Variants in ABCB1 observed in about 807,000 individuals in gnomAD.
ABCB1 encodes ATP binding cassette subfamily B member 1, also known as ATP-dependent translocase ABCB1.
ABCB1 carries 69 observed loss-of-function variants against 142.0 expected under a neutral mutation model. The ratio of observed to expected loss-of-function variants is 0.49; its 90% CI spans 0.40 to 0.59. The LOEUF (loss-of-function observed/expected upper bound fraction) is 0.59, where lower values mean the gene tolerates loss of function less well. ABCB1 is among the 20% of genes least tolerant of loss of function. ABCB1 has a pLI of 0.00. For synonymous variants in ABCB1, 532 were observed against 539.2 expected, an observed-to-expected ratio of 0.99 and a Z score of 0.18; for missense variants, 1,326 against 1,554.7, an observed-to-expected ratio of 0.85 and a Z score of 2.47.
At chr7:87,558,847 CTATTAATATGGTTAATTA>C (rs1817425895) in intron 8 of ABCB1, among the ~76,000 whole-genome samples, 1 of 151,850 alleles carries the variant, frequency 6.6e-6, no homozygotes, top group Non-Finnish European at 1.5e-5. Context: ...TTCTTTTAGT[CTATTAATATGGTTAATTA>C]TATTAATAGA....
At chr7:87,693,792 T>C in intron 1 of ABCB1, 1 of 897,260 alleles carries the variant, frequency 1.1e-6, no homozygotes, top group Non-Finnish European at 1.7e-6. Flanking sequence ...AAGTAGTGTT[T>C]ACTGCTTCAA....
At position 87,628,584 on chromosome 7, in the gene ABCB1, CGTGTGTGTGTGTGTGTGTGTGTGTGT is replaced by C. The variant is rs71117546; in HGVS notation, c.-330-27532_-330-27507del. The stretch of plus-strand genomic sequence containing the variant: ...CGAGGGCGGAGGTGGTGCGTGCGTG[CGTGTGTGTGTGTGTGTGTGTGTGTGT>C]GTGTGTGTGTGTGTGGAGCTCGGGT... On this transcript the variant is annotated intron_variant, in intron 1 of 28. Transcript: ENST00000265724. The C allele has an allele frequency of 7.2e-5, 21 of 290,760 alleles. No individual in the cohort carries two copies. In the South Asian group the frequency reaches 2.1e-3, roughly 29 times the overall value. The allele number at this position is 290,760 out of a possible 1,614,324, so 18.0% of individuals were successfully genotyped here. A position where few individuals can be genotyped will look rare whatever the true frequency, so the allele number is the denominator to read the frequency against.
intron 1 of ABCB1, among the ~76,000 whole-genome samples, chr7:87,701,561 C>G (rs768774607): frequency 5.3e-5 from 8 of 152,038 alleles, no homozygotes; most frequent in Non-Finnish European, 1.0e-4. Flanking sequence ...GTAAAAAGAT[C>G]AATTCAAAGT....
At chr7:87,584,118 T>A (rs1818631739) in intron 4 of ABCB1, among the ~76,000 whole-genome samples, 1 of 152,160 alleles carries the variant, frequency 6.6e-6, no homozygotes, top group South Asian at 2.1e-4. Context: ...TTTACATAGC[T>A]CAAACATACA....
rs200179722 is a variant in ABCB1 at position 87,539,280 on chromosome 7, G to A, written c.2385C>T (p.Ser795=). The change falls in exon 19 of 28, where the codon TCC becomes TCT. Residue 795 remains serine, a synonymous_variant. Transcript: ENST00000622132. ...TKRLRYMVFR[S]MLRQDVSWFD... ...TCGATAGACATACCTGTCTGAGCAT[G>A]GATCGGAAAACCATGTATCGGAGCC... 2 of 1,614,116 alleles carry A rather than the reference G, an allele frequency of 1.2e-6. No individual in the cohort carries two copies. Among genetic ancestry groups the A allele is most frequent in the South Asian group, 1.1e-5 (1 of 91,084 alleles).
intron 3 of ABCB1, among the ~76,000 whole-genome samples, chr7:87,585,944 G>T (rs1247705242): frequency 1.3e-5 from 2 of 152,184 alleles, no homozygotes; most frequent in South Asian, 4.1e-4. Context: ...GAGAAGGATG[G>T]GACATTCTGG....
chr7:87,661,118 A>T (rs1824664442), intron 1 of ABCB1, among the ~76,000 whole-genome samples: 1 of 151,962 alleles, frequency 6.6e-6, no homozygotes, highest in South Asian at 2.1e-4. Context: ...TTACATTTTT[A>T]AAATTTTTAA....
intron 20 of ABCB1, among the ~76,000 whole-genome samples, chr7:87,535,477 C>T (rs527350337): frequency 3.3e-5 from 5 of 151,952 alleles, no homozygotes; most frequent in Admixed American, 1.3e-4. Context: ...GGATTACAGG[C>T]GTGCACCTGT....
intron 1 of ABCB1, among the ~76,000 whole-genome samples, chr7:87,634,909 T>C (rs921445365): frequency 6.6e-6 from 1 of 152,282 alleles, no homozygotes; most frequent in Admixed American, 6.5e-5. Context: ...ACAATGGAGG[T>C]AGGATGATCC....
intron 1 of ABCB1, among the ~76,000 whole-genome samples, chr7:87,688,159 G>T (rs1369546683): frequency 6.6e-6 from 1 of 152,116 alleles, no homozygotes; most frequent in Non-Finnish European, 1.5e-5. Flanking sequence ...TTCAGGAAAG[G>T]TGAAGCAGAT....
At chr7:87,688,538 A>G (rs1416273189) in intron 1 of ABCB1, among the ~76,000 whole-genome samples, 3 of 151,882 alleles carry the variant, frequency 2.0e-5, no homozygotes, top group Admixed American at 6.6e-5. Flanking sequence ...AAAACTATTT[A>G]TTATGTGGAA....
intron 2 of ABCB1, among the ~76,000 whole-genome samples, chr7:87,598,390 A>G (rs1237095488): frequency 6.6e-6 from 1 of 152,162 alleles, no homozygotes; most frequent in African/African-American, 2.4e-5. Context: ...AATCCAAGTG[A>G]TGAGTCATTT....
intron 1 of ABCB1, among the ~76,000 whole-genome samples, chr7:87,619,762 G>A (rs1563077114): frequency 6.7e-6 from 1 of 148,184 alleles, no homozygotes. Context: ...GTGTGTGTGT[G>A]TGTATATATA....
intron 21 of ABCB1, among the ~76,000 whole-genome samples, chr7:87,523,474 C>A (rs2141849): frequency 0.097 from 14,715 of 151,854 alleles, 1,219 homozygotes; most frequent in East Asian, 0.37. Context: ...ACTAAAAATA[C>A]AAAAATTAGC....
At chr7:87,693,897 T>G in intron 1 of ABCB1, 1 of 1,607,240 alleles carries the variant, frequency 6.2e-7, no homozygotes, top group African/African-American at 1.3e-5. Context: ...GTTGTTATTT[T>G]TTTTTTAAAG....
intron 21 of ABCB1, among the ~76,000 whole-genome samples, chr7:87,525,840 T>C (rs1441658808): frequency 6.6e-6 from 1 of 152,138 alleles, no homozygotes; most frequent in African/African-American, 2.4e-5. Flanking sequence ...TGTCTGACTT[T>C]TTCCTTTTTT....
At chr7:87,693,499 A>C (rs1296171554) in intron 1 of ABCB1, among the ~76,000 whole-genome samples, 2 of 152,166 alleles carry the variant, frequency 1.3e-5, no homozygotes, top group Non-Finnish European at 2.9e-5. Context: ...TTCCAAAGTG[A>C]GTGATTTTTT....
In ABCB1 at chr7:87,519,358, T is replaced by A. The variant is rs1366489331; in HGVS notation, c.2895A>T (p.Ala965=). 6.2e-7 allele frequency: 1 copy of A among 1,614,136 alleles called. No individual in the cohort carries two copies. The highest frequency in any genetic ancestry group is 8.5e-7 in the Non-Finnish European group (1 of 1,179,978). Residue 965 remains alanine (A), a synonymous_variant, in exon 23 of 28, where the codon GCA becomes GCT. Transcript: ENST00000622132. ...CATCCTCAAAGCTCATGAGTTTATG[T>A]GCCACCAAGTAGGCTCCAAACCGGA... ...GCFRFGAYLV[A]HKLMSFEDVL... is the part of the protein sequence containing the mutation.
At chr7:87,669,858 T>G (rs1825657326) in intron 1 of ABCB1, among the ~76,000 whole-genome samples, 1 of 152,208 alleles carries the variant, frequency 6.6e-6, no homozygotes, top group Non-Finnish European at 1.5e-5. Context: ...CTAATGGAGT[T>G]CCTTTTGTAG....
Sources: allele counts gnomAD v4.1 joint callset (sites outside exome capture counted in the v4.1 genomes callset), GRCh38; gene constraint gnomAD v4.1.1; transcripts MANE v1.5; gene names NCBI Gene and HGNC (gene_info 2026-07-23, HGNC 2026-07-21).